Variants in SGCE observed in about 807,000 individuals in gnomAD.
The protein encoded by SGCE is sarcoglycan epsilon.
Under a neutral mutation model 57.8 loss-of-function variants are expected in SGCE, and 26 were observed. The ratio of observed to expected loss-of-function variants is 0.45; its 90% CI spans 0.33 to 0.62. SGCE has a LOEUF of 0.62. Ranked by LOEUF, SGCE falls within the 20% of genes least tolerant of loss-of-function variation. The pLI is 0.02. For missense variants in SGCE, 468 were observed against 548.6 expected (o/e 0.85, Z 1.47); for synonymous variants, 183 against 189.5 (o/e 0.97, Z 0.28).
rs1803172518 is a variant in SGCE, at chr7:94,623,482, G to A, written c.391-85C>T. ...TTAAGGATTAAAATGAAAACAAATT[G>A]TCATTCTTTCCATTTTCATTATTTG... On this transcript the variant is annotated intron_variant, in intron 3 of 10. Transcript: ENST00000648936. 7 of 865,110 alleles carry A rather than the reference G, an allele frequency of 8.1e-6. 1 individual carries two copies. Among genetic ancestry groups the A allele is most frequent in the South Asian group, 3.0e-5 (2 of 66,218 alleles). 53.6% of individuals were successfully genotyped at this position (865,110 alleles called of 1,614,324 possible). A position where few individuals can be genotyped will look rare whatever the true frequency, so the allele number is the denominator to read the frequency against.
chr7:94,590,252 T>G (rs1321118588), intron 9 of SGCE, among the ~76,000 whole-genome samples: 2 of 152,154 alleles, frequency 1.3e-5, no homozygotes, highest in Non-Finnish European at 2.9e-5. Context: ...GAAATGTTAT[T>G]AAAATTTTTA....
chr7:94,615,365 A>ATAG (rs1801733074), intron 5 of SGCE, among the ~76,000 whole-genome samples: 7 of 142,202 alleles, frequency 4.9e-5, no homozygotes, highest in African/African-American at 1.9e-4. Flanking sequence ...TCTCAAAATA[A>ATAG]ATAGATAGAT....
chr7:94,623,481 T>A (rs2116919758), intron 3 of SGCE, 84 bp from the exon 4 acceptor site: 1 of 870,108 alleles, frequency 1.1e-6, no homozygotes, highest in Admixed American at 2.1e-5. Context: ...GAAAACAAAT[T>A]GTCATTCTTT....
chr7:94,615,000 A>G (rs977674163), intron 5 of SGCE, among the ~76,000 whole-genome samples: 1 of 152,202 alleles, frequency 6.6e-6, no homozygotes, highest in Admixed American at 6.5e-5. Flanking sequence ...ATATTTCTAT[A>G]TCACCACTAT....
intron 10 of SGCE, chr7:94,588,314 A>G (rs1385346241): frequency 1.9e-6 from 2 of 1,073,064 alleles, no homozygotes; most frequent in Non-Finnish European, 2.3e-6. Context: ...TCCTTTTGTA[A>G]GAGAGCTTGA....
intron 1 of SGCE, among the ~76,000 whole-genome samples, chr7:94,655,380 C>G (rs1309011788): frequency 6.6e-6 from 1 of 152,102 alleles, no homozygotes; most frequent in Non-Finnish European, 1.5e-5. Context: ...CTGTTTAGCT[C>G]CCAGCATTTC....
chr7:94,635,760 CTGTTTT>C (rs777119721), intron 1 of SGCE, among the ~76,000 whole-genome samples: 1 of 152,138 alleles, frequency 6.6e-6, no homozygotes. Flanking sequence ...GTTAGACAAC[CTGTTTT>C]TGTTTTTGTT....
intron 10 of SGCE, among the ~76,000 whole-genome samples, chr7:94,586,184 T>C (rs1796892661): frequency 6.6e-6 from 1 of 150,878 alleles, no homozygotes; most frequent in South Asian, 2.1e-4. Flanking sequence ...TGTGCCTAAA[T>C]TACCTTCATA....
At position 94,603,382 on chromosome 7, in the gene SGCE, G is replaced by T; in HGVS notation, c.733C>A (p.Gln245Lys). The change falls in exon 6 of 11, where the codon CAA (glutamine) becomes AAA (lysine). Residue 245 changes from glutamine to lysine, a missense_variant. Transcript: ENST00000648936. ...CLREVENPQN[Q>K]LRCSQEMEPV... ...TCCATTTCTTGACTACATCTCAATTGATTCTGTGGATTTTCAACTTCTCGT... is the reference window on the plus strand; with the variant it reads ...TCCATTTCTTGACTACATCTCAATTTATTCTGTGGATTTTCAACTTCTCGT... 1 of 1,612,722 alleles carries T rather than the reference G, an allele frequency of 6.2e-7. No individual in the cohort carries two copies. Among genetic ancestry groups the T allele is most frequent in the South Asian group, 1.1e-5 (1 of 91,040 alleles).
At chr7:94,650,402 G>T (rs1248990591) in intron 1 of SGCE, among the ~76,000 whole-genome samples, 1 of 152,100 alleles carries the variant, frequency 6.6e-6, no homozygotes, top group African/African-American at 2.4e-5. Flanking sequence ...CCAGGAAAGA[G>T]TAATTCTAGG....
chr7:94,596,765 G>A (rs1798461096), intron 9 of SGCE, among the ~76,000 whole-genome samples: 1 of 152,028 alleles, frequency 6.6e-6, no homozygotes, highest in African/African-American at 2.4e-5. Flanking sequence ...GTTAGCTACA[G>A]GATTTGTTTC....
rs1798175631 is a variant in SGCE at position 94,594,896 on chromosome 7, A to G, written c.1253+3879T>C. ...TGAAAAGCAAAAGAAACACAGTACAAAATGAAACACCTCATTTCTAGGCAT... is the reference window on the plus strand; with the variant it reads ...TGAAAAGCAAAAGAAACACAGTACAGAATGAAACACCTCATTTCTAGGCAT... On this transcript the variant is annotated intron_variant, in intron 9 of 10. Coordinates refer to ENST00000648936, the MANE Select transcript of SGCE (RefSeq NM_003919.3). 1.3e-5 allele frequency among the ~76,000 whole-genome samples: 2 copies of G among 152,154 alleles called. 1 individual carries two copies. The highest frequency in any genetic ancestry group is 4.1e-4 in the South Asian group (2 of 4,832).
At chr7:94,647,155 T>C (rs888260176) in intron 1 of SGCE, among the ~76,000 whole-genome samples, 9 of 152,210 alleles carry the variant, frequency 5.9e-5, no homozygotes, top group African/African-American at 2.2e-4. Context: ...AATTTATTTA[T>C]CATCACCTCA....
intron 1 of SGCE, among the ~76,000 whole-genome samples, chr7:94,632,755 G>T (rs10953114): frequency 0.78 from 118,401 of 151,612 alleles, 46,957 homozygotes; most frequent in African/African-American, 0.92. Context: ...AAATAGCTCT[G>T]CAACGGAGGC....
At chr7:94,645,715 C>T (rs1806972197) in intron 1 of SGCE, among the ~76,000 whole-genome samples, 1 of 152,052 alleles carries the variant, frequency 6.6e-6, no homozygotes, top group Non-Finnish European at 1.5e-5. Flanking sequence ...GAATAGTACC[C>T]ATATCAGTGA....
At chr7:94,588,085 G>A in intron 10 of SGCE, 1 of 1,235,620 alleles carries the variant, frequency 8.1e-7, no homozygotes, top group South Asian at 2.8e-5. Context: ...TATCTACTCA[G>A]TATAGAGATG....
Position 94,623,504 on chromosome 7 carries a change from T to C in SGCE, c.391-107A>G, listed in dbSNP as rs1051195490. ...ATTGTCATTCTTTCCATTTTCATTA[T>C]TTGTTGATATACTTACAAAATATTC... On this transcript the variant is annotated intron_variant, in intron 3 of 10. Coordinates refer to ENST00000648936, the MANE Select transcript of SGCE (RefSeq NM_003919.3). The C allele has an allele frequency of 4.0e-6, 3 of 751,456 alleles. No homozygotes were observed. The African/African-American group carries it at 5.3e-5, about 13-fold the overall frequency. 46.5% of individuals were successfully genotyped at this position (751,456 alleles called of 1,614,324 possible).
At chr7:94,619,632 C>T (rs919093544) in intron 4 of SGCE, 7 of 152,086 alleles carry the variant, frequency 4.6e-5, no homozygotes, top group Non-Finnish European at 7.3e-5. Flanking sequence ...TGTTCTCTTA[C>T]GATAAATAAT....
chr7:94,652,862 C>T (rs191788858), intron 1 of SGCE, among the ~76,000 whole-genome samples: 73 of 152,184 alleles, frequency 4.8e-4, no homozygotes, highest in South Asian at 1.2e-3. Context: ...TCAGCAGGTT[C>T]GTAAATCCAT....
Sources: gnomAD v4.1 joint callset for allele counts (sites outside exome capture counted in the v4.1 genomes callset) on GRCh38, gnomAD v4.1.1 for gene constraint, MANE v1.5 for transcripts, NCBI Gene and HGNC (gene_info 2026-07-23, HGNC 2026-07-21) for gene names.